The following BMPR1B variants were observed in gnomAD, a reference collection of about 807,000 sequenced individuals.
BMPR1B encodes bone morphogenetic protein receptor type 1B.
In BMPR1B, 12 loss-of-function variants were observed where a neutral mutation model predicts 59.1. The observed-to-expected ratio is 0.20, with a 90% CI of 0.13 to 0.33. BMPR1B has a LOEUF of 0.33. BMPR1B is among the 10% of genes least tolerant of loss of function. BMPR1B has a pLI of 1.00. For synonymous variants in BMPR1B, 237 were observed against 207.3 expected (o/e 1.14, Z -1.23); for missense variants, 550 against 610.9 (o/e 0.90, Z 1.05).
intron 2 of BMPR1B, among the ~76,000 whole-genome samples, chr4:94,981,003 A>ACGCGCG (rs141994255): frequency 0.011 from 1,008 of 90,834 alleles, 7 homozygotes; most frequent in South Asian, 0.021. Context: ...ACACACACAC[A>ACGCGCG]CACACACACA....
intron 3 of BMPR1B, among the ~76,000 whole-genome samples, chr4:95,038,542 T>A (rs889247329): frequency 6.6e-6 from 1 of 152,166 alleles, no homozygotes; most frequent in Non-Finnish European, 1.5e-5. Flanking sequence ...AAATCCTCTA[T>A]TGAAAAGGCA....
At chr4:94,935,806 G>A (rs1339012464) in intron 2 of BMPR1B, among the ~76,000 whole-genome samples, 1 of 152,156 alleles carries the variant, frequency 6.6e-6, no homozygotes, top group African/African-American at 2.4e-5. Flanking sequence ...CATCATAGAT[G>A]CTCAGAAAAT....
At chr4:94,854,343 A>G (rs1725674312) in intron 1 of BMPR1B, among the ~76,000 whole-genome samples, 1 of 152,234 alleles carries the variant, frequency 6.6e-6, no homozygotes, top group Non-Finnish European at 1.5e-5. Context: ...AATAAGAATA[A>G]TGAAGTAGAT....
chr4:94,905,194 CA>C (rs1397195588), intron 2 of BMPR1B, among the ~76,000 whole-genome samples: 1 of 151,948 alleles, frequency 6.6e-6, no homozygotes, highest in Non-Finnish European at 1.5e-5. Flanking sequence ...GGCCTAATAG[CA>C]TGAATTAATT....
Position 95,125,212 on chromosome 4 carries a change from T to G in BMPR1B, c.585+91T>G. The G allele has an allele frequency of 2.0e-6, 3 of 1,518,196 alleles. No homozygotes were observed. In the South Asian group the frequency reaches 3.5e-5, roughly 18 times the overall value. The allele number at this position is 1,518,196 out of a possible 1,614,324, so 94.0% of individuals were successfully genotyped here. A position where few individuals can be genotyped will look rare whatever the true frequency, so the allele number is the denominator to read the frequency against. On this transcript the variant is annotated intron_variant, in intron 8 of 12. Transcript: ENST00000515059. ...GGTTTCACTTACTGAAATAGGGCAC[T>G]GGACAAGGAGAAAGCTCTATGCAGT... is the stretch of plus-strand genomic sequence containing the variant.
chr4:95,074,541 T>G (rs995855421), intron 3 of BMPR1B, among the ~76,000 whole-genome samples: 1 of 152,106 alleles, frequency 6.6e-6, no homozygotes, highest in African/African-American at 2.4e-5. Context: ...TTTTCGTCAT[T>G]GTTTTTTTCC....
At chr4:95,057,416 G>C (rs1296646669) in intron 3 of BMPR1B, among the ~76,000 whole-genome samples, 2 of 151,836 alleles carry the variant, frequency 1.3e-5, no homozygotes, top group Non-Finnish European at 2.9e-5. Flanking sequence ...AGCTATTTTT[G>C]TTGTATTTTT....
chr4:94,827,022 T>G (rs577400905), intron 1 of BMPR1B, among the ~76,000 whole-genome samples: 2 of 152,202 alleles, frequency 1.3e-5, no homozygotes, highest in South Asian at 4.1e-4. Flanking sequence ...AATCTGTAGG[T>G]TTTTAAGGAA....
intron 6 of BMPR1B, among the ~76,000 whole-genome samples, chr4:95,120,110 A>G (rs1327594480): frequency 1.3e-5 from 2 of 152,152 alleles, no homozygotes; most frequent in Non-Finnish European, 2.9e-5. Context: ...ATAAGTGAGA[A>G]CATACAGTAT....
intron 1 of BMPR1B, among the ~76,000 whole-genome samples, chr4:94,808,219 A>G (rs1394890094): frequency 6.6e-6 from 1 of 152,170 alleles, no homozygotes; most frequent in Non-Finnish European, 1.5e-5. Flanking sequence ...GATACTCAAT[A>G]TACAAAATGT....
intron 1 of BMPR1B, among the ~76,000 whole-genome samples, chr4:94,830,874 C>A (rs1438327081): frequency 6.6e-6 from 1 of 152,054 alleles, no homozygotes; most frequent in Non-Finnish European, 1.5e-5. Flanking sequence ...GCCAATCATA[C>A]AAAAGTATAG....
rs1433044267 is a variant in BMPR1B, at chr4:94,996,126, A to G, written c.-26A>G. ...AAGTTAAACAAGCAAGCCTGCCATA[A>G]GTGAGAAGGTAAGTAATTAGCCAGT... On this transcript the variant is annotated 5_prime_UTR_variant, in exon 3 of 13. Transcript: ENST00000515059. The G allele has an allele frequency of 6.6e-6, 1 of 152,242 alleles. No individual in the cohort carries two copies. The highest frequency in any genetic ancestry group is 2.4e-5 in the African/African-American group (1 of 41,448). 9.4% of individuals were successfully genotyped at this position (152,242 alleles called of 1,614,324 possible).
intron 3 of BMPR1B, among the ~76,000 whole-genome samples, chr4:95,037,065 G>A (rs978541516): frequency 1.3e-5 from 2 of 152,064 alleles, no homozygotes; most frequent in African/African-American, 2.4e-5. Flanking sequence ...AGTCTGGGAC[G>A]GGTACATATG....
At chr4:94,959,111 A>G (rs17022699) in intron 2 of BMPR1B, among the ~76,000 whole-genome samples, 6,422 of 152,162 alleles carry the variant, frequency 0.042, 340 homozygotes, top group African/African-American at 0.12. Context: ...TTTTAACTCT[A>G]TGATCCTAGT....
chr4:94,962,073 TTCC>T (rs1730382251), intron 2 of BMPR1B, among the ~76,000 whole-genome samples: 2 of 16,788 alleles, frequency 1.2e-4, no homozygotes, highest in East Asian at 1.3e-3. Context: ...TTTCTTTTCT[TTCC>T]TTCCTTCCTT....
intron 3 of BMPR1B, among the ~76,000 whole-genome samples, chr4:95,083,655 T>G (rs1729348141): frequency 6.6e-6 from 1 of 152,194 alleles, no homozygotes; most frequent in Non-Finnish European, 1.5e-5. Flanking sequence ...ACACTATTTT[T>G]TGGTGTTTCT....
At chr4:94,955,924 GCCTGGCCAACA>G (rs1440764308) in intron 2 of BMPR1B, among the ~76,000 whole-genome samples, 1 of 152,036 alleles carries the variant, frequency 6.6e-6, no homozygotes, top group Non-Finnish European at 1.5e-5. Context: ...TAGCCACCGT[GCCTGGCCAACA>G]CATTTAATTC....
Position 94,812,703 on chromosome 4 carries a change from G to C in BMPR1B, c.-183+54635G>C, listed in dbSNP as rs1292265721. Among the ~76,000 whole-genome samples, 4 of 152,276 alleles carry C rather than the reference G, an allele frequency of 2.6e-5. No homozygotes were observed. The East Asian group carries it at 7.7e-4, about 29-fold the overall frequency. On this transcript the variant is annotated intron_variant, in intron 1 of 12. Transcript: ENST00000515059. ...GAGGGTGAGGGCAGTCCCTGGGAGG[G>C]GGAGCACGGAATGGACAGGAGAGAG...
chr4:95,111,795 A>C (rs1731649505), intron 4 of BMPR1B, among the ~76,000 whole-genome samples: 1 of 152,110 alleles, frequency 6.6e-6, no homozygotes, highest in Admixed American at 6.6e-5. Flanking sequence ...TGGGGAACTT[A>C]AGGAGCCTAG....
Sources: allele counts gnomAD v4.1 joint callset (sites outside exome capture counted in the v4.1 genomes callset), GRCh38; gene constraint gnomAD v4.1.1; transcripts MANE v1.5; gene names NCBI Gene and HGNC (gene_info 2026-07-23, HGNC 2026-07-21).